Variants in CDK7 observed in about 807,000 individuals in gnomAD.
CDK7 encodes the protein cyclin-dependent kinase 7.
A neutral mutation model predicts 49.1 loss-of-function variants in CDK7; 25 were observed. The ratio of observed to expected loss-of-function variants is 0.51; its 90% CI spans 0.37 to 0.71. The LOEUF is 0.71. Ranked by LOEUF, CDK7 falls within the 30% of genes least tolerant of loss-of-function variation. The probability of loss-of-function intolerance (pLI) is 0.00; values close to 1 mark genes in which losing one functional copy is unlikely to be tolerated. For synonymous variants in CDK7, 107 were observed against 140.0 expected (o/e 0.76, Z 1.67); for missense variants, 316 against 411.7 (o/e 0.77, Z 2.01).
At chr5:69,235,296 C>T in intron 1 of CDK7, 98 bp from the exon 2 acceptor site, 1 of 956,648 alleles carries the variant, frequency 1.0e-6, no homozygotes, top group Non-Finnish European at 1.7e-6. Context: ...CGAGTCTGCT[C>T]AGGAACTCTG....
intron 8 of CDK7, among the ~76,000 whole-genome samples, chr5:69,266,589 C>A (rs1751174802): frequency 6.6e-6 from 1 of 151,864 alleles, no homozygotes; most frequent in Non-Finnish European, 1.5e-5. Flanking sequence ...AAAGGCAGTT[C>A]AAATTCTCAT....
At chr5:69,247,369 G>A (rs935229512) in intron 2 of CDK7, among the ~76,000 whole-genome samples, 3 of 152,100 alleles carry the variant, frequency 2.0e-5, no homozygotes, top group African/African-American at 7.2e-5. Flanking sequence ...GTTTTTGCTT[G>A]AAATCTATTT....
chr5:69,267,292 CTTTTT>C (rs71612523), intron 8 of CDK7, among the ~76,000 whole-genome samples: 3 of 91,076 alleles, frequency 3.3e-5, no homozygotes, highest in Non-Finnish European at 6.3e-5. Flanking sequence ...ATAAGGATTC[CTTTTT>C]TTTTTTTTTT....
intron 10 of CDK7, among the ~76,000 whole-genome samples, chr5:69,275,442 A>G (rs1752018152): frequency 1.3e-5 from 2 of 152,154 alleles, no homozygotes; most frequent in African/African-American, 4.8e-5. Context: ...TGCATTTTGA[A>G]CTGTAGAGTT....
At chr5:69,250,404 A>C (rs948700416) in intron 2 of CDK7, among the ~76,000 whole-genome samples, 16 of 152,276 alleles carry the variant, frequency 1.1e-4, no homozygotes, top group African/African-American at 3.8e-4. Context: ...CTGTATTACC[A>C]TTCTTTCTTC....
chr5:69,237,044 A>G (rs912220548), intron 2 of CDK7, among the ~76,000 whole-genome samples: 5 of 133,688 alleles, frequency 3.7e-5, no homozygotes, highest in African/African-American at 1.1e-4. Context: ...CACTACAGCC[A>G]CTCCCTTTAA....
chr5:69,258,142 A>C lies in CDK7; in HGVS notation c.397A>C (p.Ile133Leu). Residue 133 changes from isoleucine (I) to leucine (L), a missense_variant, in exon 6 of 12, where the codon ATC (isoleucine) becomes CTC (leucine). By Grantham distance (5) the Ile-to-Leu change is conservative. Transcript: ENST00000256443. ...ATTAGAATATTTACATCAACATTGG[A>C]TCCTACATAGGGTAAGGTTTTTAAT... is the stretch of plus-strand genomic sequence containing the variant. Reference protein sequence around the residue: ...QGLEYLHQHWILHRDLKPNNL... With the variant: ...QGLEYLHQHWLLHRDLKPNNL... The C allele has an allele frequency of 6.6e-7, 1 of 1,524,806 alleles. No individual in the cohort carries two copies. The highest frequency in any genetic ancestry group is 9.0e-7 in the Non-Finnish European group (1 of 1,111,324). 94.5% of individuals were successfully genotyped at this position (1,524,806 alleles called of 1,614,324 possible).
intron 2 of CDK7, 124 bp from the exon 3 acceptor site, chr5:69,252,294 C>A: frequency 1.5e-6 from 1 of 678,610 alleles, no homozygotes; most frequent in Non-Finnish European, 2.6e-6. Context: ...CTAGTAGGTA[C>A]ATATTGGTTG....
chr5:69,273,052 G>C lies in CDK7; in HGVS notation c.864+11G>C. The C allele has an allele frequency of 6.7e-7, 1 of 1,490,146 alleles. No homozygotes were observed. Among genetic ancestry groups the C allele is most frequent in the Non-Finnish European group, 9.0e-7 (1 of 1,106,396 alleles). The allele number at this position is 1,490,146 out of a possible 1,614,324, so 92.3% of individuals were successfully genotyped here. On this transcript the variant is annotated intron_variant, in intron 10 of 11. Coordinates refer to ENST00000256443, the MANE Select transcript of CDK7 (RefSeq NM_001799.4). ...ATTACGGCCACACAGGTATTTTGGT[G>C]TATCTTTTTTATACTAGGAAATATA...
chr5:69,269,081 A>G (rs925131145), intron 8 of CDK7, 126 bp from the exon 9 acceptor site: 2 of 585,628 alleles, frequency 3.4e-6, no homozygotes, highest in South Asian at 2.3e-5. Context: ...AGGAAGTTGC[A>G]GTGAGCCAGG....
chr5:69,258,238 T>G (rs1412715646), intron 6 of CDK7, 85 bp downstream of exon 6: 1 of 612,160 alleles, frequency 1.6e-6, no homozygotes, highest in Non-Finnish European at 2.9e-6. Flanking sequence ...TGTAAATTGT[T>G]TAACAATGAA....
chr5:69,250,412 T>C (rs1223444861), intron 2 of CDK7, among the ~76,000 whole-genome samples: 1 of 152,204 alleles, frequency 6.6e-6, no homozygotes, highest in African/African-American at 2.4e-5. Flanking sequence ...CCATTCTTTC[T>C]TCCCCTTTCT....
At position 69,259,941 on chromosome 5, in the gene CDK7, G is replaced by C; in HGVS notation, c.527+5G>C. ...TACACATCAGGTTGTAACCAGGTAA[G>C]AATCTCTTAAAGCTACATGTGCAGG... On this transcript the variant is annotated splice_donor_5th_base_variant and intron_variant, in intron 7 of 11. Transcript: ENST00000256443. 1 of 1,551,632 alleles carries C rather than the reference G, an allele frequency of 6.4e-7. No homozygotes were observed. Among genetic ancestry groups the C allele is most frequent in the Non-Finnish European group, 8.9e-7 (1 of 1,123,672 alleles).
chr5:69,235,522 C>T, intron 2 of CDK7, 69 bp downstream of exon 2: 3 of 1,015,338 alleles, frequency 3.0e-6, no homozygotes, highest in South Asian at 1.3e-5. Context: ...GACTGATAGC[C>T]ATTTTATTAG....
At position 69,268,609 on chromosome 5, in the gene CDK7, T is replaced by C. The variant is rs1751312862; in HGVS notation, c.628-598T>C. On this transcript the variant is annotated intron_variant, in intron 8 of 11. Coordinates refer to ENST00000256443, the MANE Select transcript of CDK7 (RefSeq NM_001799.4). ...GGCTGACGCCTGTAATCCCAGCACT[T>C]TGGGAGGCCGAGGCGGGCAAATCAC... Among the ~76,000 whole-genome samples, 3 of 152,076 alleles carry C rather than the reference T, an allele frequency of 2.0e-5. No individual in the cohort carries two copies. In the South Asian group the frequency reaches 6.2e-4, roughly 32 times the overall value.
chr5:69,274,567 A>G (rs1433987853), intron 10 of CDK7, among the ~76,000 whole-genome samples: 2 of 152,230 alleles, frequency 1.3e-5, no homozygotes, highest in Non-Finnish European at 2.9e-5. Context: ...GAATGCTTGC[A>G]AAGTTTATAT....
At chr5:69,269,503 C>CA (rs937672265) in intron 9 of CDK7, among the ~76,000 whole-genome samples, 19 of 152,104 alleles carry the variant, frequency 1.2e-4, no homozygotes, top group African/African-American at 4.6e-4. Context: ...CCTTTCCCCC[C>CA]ACCCCAGTAA....
At chr5:69,265,935 G>T (rs1751127173) in intron 8 of CDK7, among the ~76,000 whole-genome samples, 1 of 151,820 alleles carries the variant, frequency 6.6e-6, no homozygotes, top group Non-Finnish European at 1.5e-5. Flanking sequence ...AAGAAATCAA[G>T]AAATTAGCCA....
intron 2 of CDK7, among the ~76,000 whole-genome samples, chr5:69,249,675 C>T (rs1288490698): frequency 3.9e-5 from 6 of 152,118 alleles, no homozygotes; most frequent in Admixed American, 1.3e-4. Flanking sequence ...GGTGAAGCCT[C>T]GTCTCTACTA....
Sources: allele counts gnomAD v4.1 joint callset (sites outside exome capture counted in the v4.1 genomes callset), GRCh38; gene constraint gnomAD v4.1.1; transcripts MANE v1.5; gene names NCBI Gene and HGNC (gene_info 2026-07-23, HGNC 2026-07-21).